The following CRADD variants were observed in gnomAD, a reference collection of about 807,000 sequenced individuals.
The protein encoded by CRADD is CARD and death domain containing adaptor protein.
Under a neutral mutation model 15.5 loss-of-function variants are expected in CRADD, and 9 were observed. The ratio of observed to expected loss-of-function variants is 0.58; its 90% CI spans 0.35 to 1.01. CRADD has a LOEUF of 1.01. CRADD is among the 50% of genes least tolerant of loss of function. CRADD has a pLI of 0.02. For missense variants in CRADD, 227 were observed against 250.3 expected, an observed-to-expected ratio of 0.91 and a Z score of 0.63; for synonymous variants, 118 against 107.6, an observed-to-expected ratio of 1.10 and a Z score of -0.60.
intron 2 of CRADD, among the ~76,000 whole-genome samples, chr12:93,706,778 T>C (rs1955960341): frequency 6.6e-6 from 1 of 152,260 alleles, no homozygotes; most frequent in Non-Finnish European, 1.5e-5. Flanking sequence ...GAAAATCATT[T>C]CAGAAATTCT....
At chr12:93,699,417 G>A (rs1955787659) in intron 2 of CRADD, among the ~76,000 whole-genome samples, 1 of 152,190 alleles carries the variant, frequency 6.6e-6, no homozygotes, top group Non-Finnish European at 1.5e-5. Flanking sequence ...CTTATCCTGT[G>A]TATTTACTCA....
intron 2 of CRADD, among the ~76,000 whole-genome samples, chr12:93,715,216 G>T (rs760530335): frequency 1.1e-4 from 17 of 152,158 alleles, no homozygotes; most frequent in Non-Finnish European, 1.5e-5. Flanking sequence ...ATTACTCATA[G>T]GGTAAGAGTG....
rs1565932905 is a variant in CRADD, at chr12:93,837,283, T to TG, written c.299-12687_299-12686insG. 2.2e-3 allele frequency: 334 copies of TG among 152,824 alleles called. 7 individuals carry two copies. Among genetic ancestry groups the TG allele is most frequent in the African/African-American group, 7.7e-3 (316 of 41,022 alleles). The allele number at this position is 152,824 out of a possible 1,614,324, so 9.5% of individuals were successfully genotyped here. A position where few individuals can be genotyped will look rare whatever the true frequency, so the allele number is the denominator to read the frequency against. On this transcript the variant is annotated intron_variant, in intron 2 of 2. Transcript: ENST00000332896. ...TGTTTGTTTGTTTGTTTTTGTTTTT[T>TG]TTTTTAGAGGGAGTCTCGCTGTGTC...
chr12:93,791,788 C>T (rs73222723), intron 2 of CRADD, among the ~76,000 whole-genome samples: 1,563 of 151,802 alleles, frequency 0.01, 10 homozygotes, highest in Non-Finnish European at 0.015. Context: ...CACATTTTAT[C>T]CCCTAAATAG....
intron 2 of CRADD, among the ~76,000 whole-genome samples, chr12:93,731,226 GGTTT>G (rs1426141463): frequency 5.9e-5 from 9 of 151,778 alleles, no homozygotes; most frequent in African/African-American, 2.2e-4. Context: ...AGTATTTATT[GGTTT>G]ATTTTTGCTC....
intron 2 of CRADD, among the ~76,000 whole-genome samples, chr12:93,694,693 C>T (rs1955658367): frequency 6.6e-6 from 1 of 151,996 alleles, no homozygotes; most frequent in African/African-American, 2.4e-5. Flanking sequence ...AAAAAGAGAT[C>T]AAGGAAACAA....
chr12:93,863,999 A>T (rs780311276), intron 2 of CRADD, among the ~76,000 whole-genome samples: 2 of 152,202 alleles, frequency 1.3e-5, no homozygotes, highest in Non-Finnish European at 2.9e-5. Flanking sequence ...TTAATTAATG[A>T]TACACACATG....
intron 2 of CRADD, among the ~76,000 whole-genome samples, chr12:93,834,371 A>C (rs1957950653): frequency 6.6e-6 from 1 of 151,980 alleles, no homozygotes; most frequent in African/African-American, 2.4e-5. Context: ...CTGTTTTCAC[A>C]TAGTCAAGTA....
At chr12:93,765,777 G>A (rs1430112684) in intron 2 of CRADD, among the ~76,000 whole-genome samples, 1 of 151,888 alleles carries the variant, frequency 6.6e-6, no homozygotes, top group Non-Finnish European at 1.5e-5. Context: ...CTTTGGAAAG[G>A]CATTAGTTAG....
chr12:93,881,398 G>A (rs183108668), intron 2 of CRADD, among the ~76,000 whole-genome samples: 73 of 131,958 alleles, frequency 5.5e-4, no homozygotes, highest in Admixed American at 9.8e-4. Flanking sequence ...TTAGAAACAC[G>A]TCAATTTTTT....
chr12:93,748,362 A>G (rs924462133), intron 2 of CRADD, among the ~76,000 whole-genome samples: 2 of 152,138 alleles, frequency 1.3e-5, no homozygotes, highest in East Asian at 1.9e-4. Context: ...CTGGAGCGCA[A>G]TGGTGCAATC....
At chr12:93,808,200 A>G (rs1957568205) in intron 2 of CRADD, among the ~76,000 whole-genome samples, 1 of 152,070 alleles carries the variant, frequency 6.6e-6, no homozygotes, top group Middle Eastern at 3.4e-3. Flanking sequence ...GCCTGTTCTC[A>G]TGCTGCTAAT....
chr12:93,830,307 T>C (rs758932788), intron 2 of CRADD, among the ~76,000 whole-genome samples: 2 of 152,226 alleles, frequency 1.3e-5, no homozygotes, highest in Non-Finnish European at 2.9e-5. Context: ...AGAGTAAGAA[T>C]TAGCCAGCTG....
At position 93,678,812 on chromosome 12, in the gene CRADD, G is replaced by A. The variant is rs534423825; in HGVS notation, c.38G>A (p.Arg13His). Reference sequence around the variant, plus strand: ...GACAAACAAGTACTCCGCTCACTTCGCCTGGAGCTGGGTGCAGAGGTATTG... The same window carrying A: ...GACAAACAAGTACTCCGCTCACTTCACCTGGAGCTGGGTGCAGAGGTATTG... ...ARDKQVLRSL[R>H]LELGAEVLVE... The change falls in exon 2 of 3, where the codon CGC becomes CAC. Residue 13 changes from arginine to histidine, a missense_variant. By Grantham distance (29) the Arg-to-His change is conservative. Coordinates refer to ENST00000332896, the MANE Select transcript of CRADD (RefSeq NM_003805.5). The A allele has an allele frequency of 3.7e-6, 6 of 1,613,968 alleles. No homozygotes were observed. Among genetic ancestry groups the A allele is most frequent in the South Asian group, 2.2e-5 (2 of 91,076 alleles).
rs535563017 is a variant in CRADD, at chr12:93,892,732, G to A, written c.299-1318G>A. Among the ~76,000 whole-genome samples the A allele has an allele frequency of 5.9e-5, 9 of 152,172 alleles. 1 individual carries two copies. Among genetic ancestry groups the A allele is most frequent in the African/African-American group, 1.9e-4 (8 of 41,518 alleles). ...ACATAATGAAGCCTTGTTTCTGGAAGGGATCATTCGGGAATAAACTTTCAT... is the reference window on the plus strand; with the variant it reads ...ACATAATGAAGCCTTGTTTCTGGAAAGGATCATTCGGGAATAAACTTTCAT... On this transcript the variant is annotated intron_variant, in intron 2 of 2. Transcript: ENST00000548483.
intron 2 of CRADD, among the ~76,000 whole-genome samples, chr12:93,695,584 A>T (rs1955684475): frequency 6.6e-6 from 1 of 152,160 alleles, no homozygotes; most frequent in African/African-American, 2.4e-5. Context: ...AACTGTAAAA[A>T]CTCAATAGCA....
At chr12:93,821,146 C>T (rs1418356891) in intron 2 of CRADD, among the ~76,000 whole-genome samples, 1 of 152,202 alleles carries the variant, frequency 6.6e-6, no homozygotes, top group East Asian at 1.9e-4. Flanking sequence ...ATGGCTGCTC[C>T]TCAAAGATTA....
At chr12:93,757,406 A>G (rs1956903632) in intron 2 of CRADD, among the ~76,000 whole-genome samples, 1 of 152,094 alleles carries the variant, frequency 6.6e-6, no homozygotes, top group Non-Finnish European at 1.5e-5. Flanking sequence ...TATCTGTAGA[A>G]AAATAGATGG....
At chr12:93,833,787 G>A (rs552095204) in intron 2 of CRADD, among the ~76,000 whole-genome samples, 66 of 151,624 alleles carry the variant, frequency 4.4e-4, no homozygotes, top group African/African-American at 1.5e-3. Flanking sequence ...CTATGGTTAA[G>A]TAAAGAGATA....
Sources: allele counts gnomAD v4.1 joint callset (sites outside exome capture counted in the v4.1 genomes callset), GRCh38; gene constraint gnomAD v4.1.1; transcripts MANE v1.5; gene names NCBI Gene and HGNC (gene_info 2026-07-23, HGNC 2026-07-21).